Variants in RAD51B observed in about 807,000 individuals in gnomAD.
The protein encoded by RAD51B is DNA repair protein RAD51 homolog 2.
A neutral mutation model predicts 42.2 loss-of-function variants in RAD51B; 38 were observed. The ratio of observed to expected loss-of-function variants is 0.90; its 90% CI spans 0.70 to 1.18. The LOEUF is 1.18. RAD51B is among the 50% of genes most tolerant of loss of function. RAD51B has a pLI of 0.00. For synonymous variants in RAD51B, 154 were observed against 145.2 expected (o/e 1.06, Z -0.43); for missense variants, 373 against 400.7 (o/e 0.93, Z 0.59).
intron 7 of RAD51B, among the ~76,000 whole-genome samples, chr14:68,009,579 G>C (rs996850228): frequency 6.6e-5 from 10 of 151,740 alleles, no homozygotes; most frequent in Non-Finnish European, 1.2e-4. Flanking sequence ...CTACATAATA[G>C]CTCCTAATAT....
chr14:68,641,313 G>A (rs1231992164), intron 10 of RAD51B, among the ~76,000 whole-genome samples: 1 of 152,162 alleles, frequency 6.6e-6, no homozygotes. Context: ...TTTGTATCCT[G>A]CAACCCTACT....
chr14:68,211,950 T>C (rs1043598902), intron 7 of RAD51B, among the ~76,000 whole-genome samples: 6 of 152,226 alleles, frequency 3.9e-5, no homozygotes, highest in Admixed American at 3.3e-4. Context: ...TTTGCCTCTG[T>C]AAGTAGAACC....
intron 10 of RAD51B, among the ~76,000 whole-genome samples, chr14:68,475,850 TGGCCAGGTAACAG>T (rs1882537246): frequency 6.6e-6 from 1 of 152,134 alleles, no homozygotes; most frequent in Admixed American, 6.5e-5. Context: ...TTTGCAAAAA[TGGCCAGGTAACAG>T]TACCAAAATA....
At chr14:67,828,622 A>G (rs1014448638) in intron 3 of RAD51B, among the ~76,000 whole-genome samples, 4 of 151,350 alleles carry the variant, frequency 2.6e-5, no homozygotes, top group Admixed American at 2.6e-4. Flanking sequence ...ATAGTTTTGG[A>G]TTTTACATTC....
intron 7 of RAD51B, among the ~76,000 whole-genome samples, chr14:67,990,058 C>T (rs539922967): frequency 1.0e-4 from 14 of 140,322 alleles, no homozygotes; most frequent in African/African-American, 1.6e-4. Context: ...AGTGCAGTGG[C>T]GCAATCTCGG....
chr14:68,301,897 A>G (rs1412449025), intron 8 of RAD51B, among the ~76,000 whole-genome samples: 1 of 152,216 alleles, frequency 6.6e-6, no homozygotes. Context: ...GCGCTTGGCC[A>G]GAATGTAAGT....
chr14:67,900,628 T>TAC (rs1214068146), intron 7 of RAD51B, among the ~76,000 whole-genome samples: 4,385 of 127,834 alleles, frequency 0.034, 81 homozygotes, highest in African/African-American at 0.055. Context: ...GTGTGTGTCA[T>TAC]ACACACACAC....
chr14:67,827,813 A>T (rs1233666825), intron 3 of RAD51B, among the ~76,000 whole-genome samples: 1 of 152,224 alleles, frequency 6.6e-6, no homozygotes, highest in Non-Finnish European at 1.5e-5. Flanking sequence ...TGCAAAGGAC[A>T]TAATCTCATT....
At chr14:67,973,939 G>C (rs928328607) in intron 7 of RAD51B, among the ~76,000 whole-genome samples, 7 of 152,022 alleles carry the variant, frequency 4.6e-5, no homozygotes, top group Middle Eastern at 3.4e-3. Flanking sequence ...TCTAAACATA[G>C]CCACTTAATT....
At chr14:68,451,598 G>C (rs575059604) in intron 9 of RAD51B, among the ~76,000 whole-genome samples, 16 of 152,342 alleles carry the variant, frequency 1.1e-4, no homozygotes, top group African/African-American at 2.9e-4. Flanking sequence ...ATCCTGTCTT[G>C]TGTTTTCTTC....
At chr14:67,872,759 G>T (rs919037995) in intron 5 of RAD51B, among the ~76,000 whole-genome samples, 21 of 150,796 alleles carry the variant, frequency 1.4e-4, no homozygotes, top group African/African-American at 4.6e-4. Flanking sequence ...CAATGGAACA[G>T]AACAGAGCCC....
At chr14:68,191,076 TTATAAA>T (rs1222736021) in intron 7 of RAD51B, among the ~76,000 whole-genome samples, 14 of 152,204 alleles carry the variant, frequency 9.2e-5, no homozygotes, top group Admixed American at 4.6e-4. Context: ...TAAAAGAATG[TTATAAA>T]TATAAAAAAG....
intron 7 of RAD51B, among the ~76,000 whole-genome samples, chr14:68,148,863 A>G (rs146033811): frequency 5.9e-5 from 9 of 152,242 alleles, no homozygotes; most frequent in African/African-American, 1.9e-4. Flanking sequence ...AAGATAGGCT[A>G]AGCCAAGTAA....
At chr14:68,393,089 A>C (rs1210719665) in intron 8 of RAD51B, among the ~76,000 whole-genome samples, 1 of 152,242 alleles carries the variant, frequency 6.6e-6, no homozygotes, top group African/African-American at 2.4e-5. Flanking sequence ...GAGTGTTATA[A>C]AGAATAATGA....
At chr14:68,375,076 A>C (rs1285616492) in intron 8 of RAD51B, among the ~76,000 whole-genome samples, 2 of 151,866 alleles carry the variant, frequency 1.3e-5, no homozygotes, top group Non-Finnish European at 2.9e-5. Flanking sequence ...TGGTTTGTAA[A>C]GGTTAGTGCA....
intron 10 of RAD51B, among the ~76,000 whole-genome samples, chr14:68,577,893 T>C (rs1427536197): frequency 6.6e-6 from 1 of 152,046 alleles, no homozygotes; most frequent in East Asian, 1.9e-4. Context: ...TCCTCAAGGG[T>C]AGGTTCAAAT....
At chr14:67,989,635 C>CAAAAA (rs764608072) in intron 7 of RAD51B, among the ~76,000 whole-genome samples, 8,115 of 66,182 alleles carry the variant, frequency 0.12, 452 homozygotes, top group Non-Finnish European at 0.16. Flanking sequence ...AACTCTGTCT[C>CAAAAA]AAAAAAAAAA....
intron 11 of RAD51B, among the ~76,000 whole-genome samples, chr14:68,676,121 C>T (rs1245377681): frequency 6.6e-6 from 1 of 152,206 alleles, no homozygotes. Flanking sequence ...ATAGTATGAG[C>T]TCATACACTT....
intron 10 of RAD51B, among the ~76,000 whole-genome samples, chr14:68,571,461 C>T (rs904046837): frequency 2.0e-5 from 3 of 152,162 alleles, no homozygotes; most frequent in Non-Finnish European, 4.4e-5. Context: ...CATTCCTTGA[C>T]TCATGGCCCC....
Sources: gnomAD v4.1 joint callset for allele counts (sites outside exome capture counted in the v4.1 genomes callset) on GRCh38, gnomAD v4.1.1 for gene constraint, MANE v1.5 for transcripts, NCBI Gene and HGNC (gene_info 2026-07-23, HGNC 2026-07-21) for gene names.